SEMA5A: variants seen among roughly 807,000 people sequenced by gnomAD.
SEMA5A encodes the protein semaphorin 5A, also known as semaphorin-5A.
In SEMA5A, 55 loss-of-function variants were observed where a neutral mutation model predicts 135.5. The ratio of observed to expected loss-of-function variants is 0.41; its 90% confidence interval spans 0.33 to 0.51. The LOEUF (loss-of-function observed/expected upper bound fraction) is 0.51, where lower values mean the gene tolerates loss of function less well. SEMA5A is among the 20% of genes least tolerant of loss of function. SEMA5A has a pLI of 0.37. For missense variants in SEMA5A, 1,290 were observed against 1,419.9 expected, an observed-to-expected ratio of 0.91 and a Z score of 1.47; for synonymous variants, 580 against 546.5, an observed-to-expected ratio of 1.06 and a Z score of -0.85.
Position 9,122,743 on chromosome 5 carries a change from C to A in SEMA5A, c.1694G>T (p.Cys565Phe). 1 of 1,613,704 alleles carries A rather than the reference C, an allele frequency of 6.2e-7. No individual in the cohort carries two copies. The highest frequency in any genetic ancestry group is 8.5e-7 in the Non-Finnish European group (1 of 1,179,930). Residue 565 changes from cysteine (C) to phenylalanine (F), a missense_variant, in exon 14 of 23, where the codon TGT becomes TTT. Physicochemically the swap from Cys to Phe is radical, Grantham distance 205 (BLOSUM62 -2). Coordinates refer to ENST00000382496, the MANE Select transcript of SEMA5A (RefSeq NM_003966.3). ...CGGGCTGTCGCAGGAGCGGGTTCGA[C>A]AGAGGCAGGATCCCACGGCGCTGCC... is the stretch of plus-strand genomic sequence containing the variant. ...TDGSAVGSCL[C>F]RTRSCDSPAP...
intron 2 of SEMA5A, among the ~76,000 whole-genome samples, chr5:9,427,204 A>G (rs1322711142): frequency 6.6e-6 from 1 of 151,966 alleles, no homozygotes; most frequent in African/African-American, 2.4e-5. Context: ...TCAGCTACTC[A>G]GAAGGGTGAG....
chr5:9,532,567 C>A (rs971477131), intron 1 of SEMA5A, among the ~76,000 whole-genome samples: 1 of 151,594 alleles, frequency 6.6e-6, no homozygotes, highest in African/African-American at 2.4e-5. Flanking sequence ...GGATTACAGG[C>A]ATGAGCCACT....
chr5:9,126,038 G>T (rs1297659180), intron 13 of SEMA5A, among the ~76,000 whole-genome samples: 1 of 152,156 alleles, frequency 6.6e-6, no homozygotes, highest in Non-Finnish European at 1.5e-5. Flanking sequence ...ACTGTCAAAA[G>T]CATGTCTCTT....
At chr5:9,511,702 CA>C (rs1046371075) in intron 1 of SEMA5A, among the ~76,000 whole-genome samples, 4 of 150,880 alleles carry the variant, frequency 2.7e-5, no homozygotes, top group South Asian at 4.2e-4. Flanking sequence ...GATCTCACCA[CA>C]AAAAAAAGAA....
chr5:9,481,048 C>T (rs763557393), intron 1 of SEMA5A, among the ~76,000 whole-genome samples: 1 of 152,132 alleles, frequency 6.6e-6, no homozygotes, highest in East Asian at 1.9e-4. Flanking sequence ...CAAGTTCAAG[C>T]GATTCTCCTG....
intron 10 of SEMA5A, among the ~76,000 whole-genome samples, chr5:9,192,375 G>A (rs40697): frequency 0.55 from 83,018 of 152,174 alleles, 23,760 homozygotes; most frequent in Non-Finnish European, 0.64. Context: ...AAATTAACTG[G>A]AAGTCCTTAT....
chr5:9,210,813 A>G (rs1746307969), intron 8 of SEMA5A, among the ~76,000 whole-genome samples: 1 of 152,170 alleles, frequency 6.6e-6, no homozygotes, highest in Non-Finnish European at 1.5e-5. Flanking sequence ...GATGACATGG[A>G]TTTGGAGTCT....
chr5:9,203,157 T>C (rs1745814398), intron 8 of SEMA5A, among the ~76,000 whole-genome samples: 1 of 152,240 alleles, frequency 6.6e-6, no homozygotes, highest in Non-Finnish European at 1.5e-5. Context: ...TACTCCGTAA[T>C]ATTTGCTTTT....
chr5:9,300,856 A>G (rs550860997), intron 5 of SEMA5A, among the ~76,000 whole-genome samples: 8 of 152,220 alleles, frequency 5.3e-5, no homozygotes, highest in Non-Finnish European at 1.2e-4. Flanking sequence ...TGGAGCCACT[A>G]GAACTGGAAA....
chr5:9,298,794 T>C (rs1261790338), intron 5 of SEMA5A, among the ~76,000 whole-genome samples: 2 of 152,244 alleles, frequency 1.3e-5, no homozygotes, highest in East Asian at 3.8e-4. Flanking sequence ...AAATATATAC[T>C]GAGTCACATC....
intron 1 of SEMA5A, among the ~76,000 whole-genome samples, chr5:9,492,497 A>C (rs954465381): frequency 6.6e-6 from 1 of 152,148 alleles, no homozygotes; most frequent in Non-Finnish European, 1.5e-5. Context: ...TGCATGCTGC[A>C]CTCTGAGCAA....
Position 9,216,954 on chromosome 5 carries a change from T to A in SEMA5A, c.646+7720A>T, listed in dbSNP as rs564699105. Among the ~76,000 whole-genome samples the A allele has an allele frequency of 2.0e-5, 3 of 152,316 alleles. No individual in the cohort carries two copies. In the South Asian group the frequency reaches 6.2e-4, roughly 32 times the overall value. On this transcript the variant is annotated intron_variant, in intron 8 of 22. Coordinates refer to ENST00000382496, the MANE Select transcript of SEMA5A (RefSeq NM_003966.3). ...CTCCACCTTGCCACTCTGTGCCCTT[T>A]AAGGGGAGCATTTAGCCTGTTTACA...
At chr5:9,221,796 C>T (rs1747014607) in intron 8 of SEMA5A, among the ~76,000 whole-genome samples, 1 of 152,086 alleles carries the variant, frequency 6.6e-6, no homozygotes, top group African/African-American at 2.4e-5. Flanking sequence ...TGGGAAAAAC[C>T]CTTTAGAACC....
intron 5 of SEMA5A, among the ~76,000 whole-genome samples, chr5:9,290,716 A>G (rs1751036472): frequency 6.6e-6 from 1 of 152,216 alleles, no homozygotes; most frequent in Admixed American, 6.5e-5. Flanking sequence ...ATACACATCC[A>G]TTGACGTTAA....
chr5:9,307,081 A>G (rs923133770), intron 5 of SEMA5A, among the ~76,000 whole-genome samples: 1 of 152,226 alleles, frequency 6.6e-6, no homozygotes, highest in Non-Finnish European at 1.5e-5. Context: ...ATGCATGTAA[A>G]TAATAACTGA....
intron 1 of SEMA5A, chr5:9,512,150 C>T (rs968800329): frequency 6.6e-6 from 1 of 152,170 alleles, no homozygotes; most frequent in Non-Finnish European, 1.5e-5. Flanking sequence ...GCTGACATAG[C>T]CCCAGCTCCA....
At position 9,384,572 on chromosome 5, in the gene SEMA5A, A is replaced by G. The variant is rs935968964; in HGVS notation, c.-77-4549T>C. Among the ~76,000 whole-genome samples the G allele has an allele frequency of 1.3e-4, 4 of 30,532 alleles. 1 individual carries two copies. The highest frequency in any genetic ancestry group is 2.5e-3 in the South Asian group (2 of 792). 20.0% of individuals were successfully genotyped at this position (30,532 alleles called of 152,430 possible). On this transcript the variant is annotated intron_variant, in intron 2 of 22. Coordinates refer to ENST00000382496, the MANE Select transcript of SEMA5A (RefSeq NM_003966.3). ...GATAGATAGATAGATAGATAGATACATAGATAGATAGATAGATAGATAGAT... is the reference window on the plus strand; with the variant it reads ...GATAGATAGATAGATAGATAGATACGTAGATAGATAGATAGATAGATAGAT...
intron 1 of SEMA5A, among the ~76,000 whole-genome samples, chr5:9,531,244 G>T (rs1420872931): frequency 2.0e-5 from 3 of 152,190 alleles, no homozygotes; most frequent in African/African-American, 7.2e-5. Flanking sequence ...CTATGATCCT[G>T]AAAAGGAAGA....
At chr5:9,393,018 T>C (rs1756233745) in intron 2 of SEMA5A, among the ~76,000 whole-genome samples, 1 of 152,210 alleles carries the variant, frequency 6.6e-6, no homozygotes, top group African/African-American at 2.4e-5. Flanking sequence ...CATCTAATGA[T>C]TAGCACATAT....
Sources: allele counts gnomAD v4.1 joint callset (sites outside exome capture counted in the v4.1 genomes callset), GRCh38; gene constraint gnomAD v4.1.1; transcripts MANE v1.5; gene names NCBI Gene and HGNC (gene_info 2026-07-23, HGNC 2026-07-21).